Variants in CACNA1C observed in about 807,000 individuals in gnomAD.
CACNA1C encodes voltage-dependent L-type calcium channel subunit alpha-1C.
A neutral mutation model predicts 229.0 loss-of-function variants in CACNA1C; 30 were observed. That is an observed-to-expected ratio of 0.13 (90% confidence interval 0.10 to 0.18). The LOEUF (loss-of-function observed/expected upper bound fraction) is 0.18, where lower values mean the gene tolerates loss of function less well. Ranked by LOEUF, CACNA1C falls within the 10% of genes least tolerant of loss-of-function variation. The pLI is 1.00. For missense variants in CACNA1C, 1,658 were observed against 2,845.0 expected, an observed-to-expected ratio of 0.58 and a Z score of 9.49; for synonymous variants, 1,114 against 1,132.5, an observed-to-expected ratio of 0.98 and a Z score of 0.33.
At chr12:2,659,557 C>T (rs7136840) in intron 34 of CACNA1C, among the ~76,000 whole-genome samples, 90,424 of 151,988 alleles carry the variant, frequency 0.59, 29,407 homozygotes, top group Non-Finnish European at 0.72. Flanking sequence ...AGATCTTAAA[C>T]GTATGAGATG....
chr12:2,198,079 G>A (rs2097464458), intron 3 of CACNA1C, among the ~76,000 whole-genome samples: 2 of 152,202 alleles, frequency 1.3e-5, no homozygotes, highest in Admixed American at 1.3e-4. Flanking sequence ...TGGCCCAGAG[G>A]GTGAGCGGGC....
rs1365566190 is a variant in CACNA1C, at chr12:2,504,399, C to T, written c.1114-443C>T. ...CCTGCCTCTTTGCTGTAACCCAATT[C>T]TGCTTCTTCTTTCCTAACTTTCCTT... On this transcript the variant is annotated intron_variant, in intron 7 of 46. Coordinates refer to ENST00000399655, the MANE Select transcript of CACNA1C (RefSeq NM_000719.7). This position sits in a 1 kb window ranked among gnomAD's most constrained non-coding sequence, Gnocchi z 6.8. 2.4e-6 allele frequency: 3 copies of T among 1,246,328 alleles called. No individual in the cohort carries two copies. Among genetic ancestry groups the T allele is most frequent in the South Asian group, 2.4e-5 (2 of 83,416 alleles). 77.2% of individuals were successfully genotyped at this position (1,246,328 alleles called of 1,614,324 possible). A position where few individuals can be genotyped will look rare whatever the true frequency, so the allele number is the denominator to read the frequency against.
intron 3 of CACNA1C, among the ~76,000 whole-genome samples, chr12:2,289,509 C>T (rs531207866): frequency 5.9e-5 from 9 of 152,202 alleles, no homozygotes; most frequent in South Asian, 2.1e-4. Context: ...GCCTGGTCTC[C>T]GGTATAGTCA....
At position 2,690,984 on chromosome 12, in the gene CACNA1C, G is replaced by C; in HGVS notation, c.6202G>C (p.Asp2068His). 6.2e-7 allele frequency: 1 copy of C among 1,600,498 alleles called. No homozygotes were observed. The highest frequency in any genetic ancestry group is 8.5e-7 in the Non-Finnish European group (1 of 1,173,558). Reference protein sequence around the residue: ...VTTQELADACDMTIEEMESAA... With the variant: ...VTTQELADACHMTIEEMESAA... Reference sequence around the variant, plus strand: ...CACCCAGGAGCTGGCCGACGCCTGCGACATGACCATAGAGGAGATGGAGAG... The same window carrying C: ...CACCCAGGAGCTGGCCGACGCCTGCCACATGACCATAGAGGAGATGGAGAG... The change falls in exon 47 of 47, where the codon GAC becomes CAC. Residue 2068 changes from aspartate to histidine, a missense_variant. Physicochemically the swap from Asp to His is moderately conservative, Grantham distance 81. Coordinates refer to ENST00000399655, the MANE Select transcript of CACNA1C (RefSeq NM_000719.7).
chr12:2,544,359 A>T (rs1296814401), intron 9 of CACNA1C, among the ~76,000 whole-genome samples: 1 of 152,224 alleles, frequency 6.6e-6, no homozygotes, highest in Non-Finnish European at 1.5e-5. Flanking sequence ...AAATATAGAA[A>T]AACCTAAGAT....
chr12:1,998,502 CA>C (rs2041464434), intron 1 of CACNA1C, among the ~76,000 whole-genome samples: 2 of 152,168 alleles, frequency 1.3e-5, no homozygotes, highest in African/African-American at 4.8e-5. Flanking sequence ...ACAGAGTTCT[CA>C]GATGAATCAA....
At chr12:2,470,989 G>A (rs373271347) in intron 5 of CACNA1C, among the ~76,000 whole-genome samples, 1 of 152,018 alleles carries the variant, frequency 6.6e-6, no homozygotes, top group Non-Finnish European at 1.5e-5. Context: ...GTGCCACCAC[G>A]CCTGGCTAAT....
intron 5 of CACNA1C, among the ~76,000 whole-genome samples, chr12:2,484,909 C>T (rs79362481): frequency 2.8e-5 from 4 of 145,354 alleles, no homozygotes; most frequent in South Asian, 2.2e-4. Flanking sequence ...TCTCTTCTTT[C>T]TTTTTTTTTT....
chr12:2,396,202 A>C (rs1405721869), intron 3 of CACNA1C, among the ~76,000 whole-genome samples: 1 of 152,122 alleles, frequency 6.6e-6, no homozygotes, highest in Non-Finnish European at 1.5e-5. Flanking sequence ...TATCTGTGCC[A>C]AGTTGTGTAT....
chr12:2,056,810 A>G (rs1162848719), intron 1 of CACNA1C, among the ~76,000 whole-genome samples: 2 of 152,202 alleles, frequency 1.3e-5, no homozygotes, highest in African/African-American at 4.8e-5. Flanking sequence ...GTGTTTTAGA[A>G]TATGACAATA....
chr12:2,072,784 TA>T (rs1417654535), intron 1 of CACNA1C, among the ~76,000 whole-genome samples: 4 of 152,204 alleles, frequency 2.6e-5, no homozygotes, highest in Non-Finnish European at 5.9e-5. Flanking sequence ...CTCATTCTAC[TA>T]CCTTCATTTA....
At chr12:2,543,036 G>C (rs1478435011) in intron 9 of CACNA1C, among the ~76,000 whole-genome samples, 4 of 152,268 alleles carry the variant, frequency 2.6e-5, no homozygotes, top group East Asian at 1.9e-4. Context: ...ACTCCTGCTG[G>C]CAGATGTTTC....
intron 1 of CACNA1C, among the ~76,000 whole-genome samples, chr12:2,044,108 C>T (rs146045330): frequency 4.8e-4 from 73 of 152,242 alleles, no homozygotes; most frequent in African/African-American, 1.7e-3. Flanking sequence ...ATTATGTAAG[C>T]AGGACCGAAC....
chr12:2,314,454 C>T (rs2283294), intron 3 of CACNA1C, among the ~76,000 whole-genome samples: 70,459 of 152,040 alleles, frequency 0.46, 18,428 homozygotes, highest in Non-Finnish European at 0.59. Flanking sequence ...CGCCAGCACC[C>T]GGGTCAAGAC....
At chr12:2,431,711 G>A (rs1596070943) in intron 3 of CACNA1C, among the ~76,000 whole-genome samples, 1 of 152,124 alleles carries the variant, frequency 6.6e-6, no homozygotes, top group East Asian at 1.9e-4. Flanking sequence ...AGGGGTCAAG[G>A]GTTTGGCCTG....
chr12:2,066,606 A>G (rs2059356265), intron 1 of CACNA1C, among the ~76,000 whole-genome samples: 1 of 152,184 alleles, frequency 6.6e-6, no homozygotes. Context: ...GTTGTGAAGC[A>G]GGGGCAGCAC....
At chr12:2,084,904 C>T (rs2067012921) in intron 1 of CACNA1C, among the ~76,000 whole-genome samples, 1 of 152,156 alleles carries the variant, frequency 6.6e-6, no homozygotes, top group African/African-American at 2.4e-5. Flanking sequence ...TCTATTTCAT[C>T]TCGTTAGTGT....
intron 13 of CACNA1C, among the ~76,000 whole-genome samples, chr12:2,568,363 G>T (rs2052415317): frequency 6.6e-6 from 1 of 152,160 alleles, no homozygotes; most frequent in Non-Finnish European, 1.5e-5. Flanking sequence ...TGCACTATGG[G>T]TGGGAGTGTA....
At chr12:1,993,432 T>C (rs1206839964) in intron 1 of CACNA1C, 3 of 1,594,042 alleles carry the variant, frequency 1.9e-6, no homozygotes, top group African/African-American at 2.7e-5. Context: ...AATAGACAAA[T>C]TGCTTAGTAT....
Sources: gnomAD v4.1 joint callset for allele counts (sites outside exome capture counted in the v4.1 genomes callset) on GRCh38, gnomAD v4.1.1 for gene constraint, Gnocchi (gnomAD v3.1) non-coding constraint, MANE v1.5 for transcripts, NCBI Gene and HGNC (gene_info 2026-07-23, HGNC 2026-07-21) for gene names.